ATRNL1: variants seen among roughly 807,000 people sequenced by gnomAD.
ATRNL1 encodes attractin-like protein 1.
ATRNL1 carries 95 observed loss-of-function variants against 182.7 expected under a neutral mutation model. The observed-to-expected ratio is 0.52, with a 90% CI of 0.44 to 0.62. The LOEUF (loss-of-function observed/expected upper bound fraction) is 0.62. Ranked by LOEUF, ATRNL1 falls within the 20% of genes least tolerant of loss-of-function variation. ATRNL1 has a pLI of 0.00. For synonymous variants in ATRNL1, 576 were observed against 568.3 expected, an observed-to-expected ratio of 1.01 and a Z score of -0.19; for missense variants, 1,471 against 1,679.5, an observed-to-expected ratio of 0.88 and a Z score of 2.17.
intron 21 of ATRNL1, among the ~76,000 whole-genome samples, chr10:115,449,547 G>T (rs1360475503): frequency 3.3e-5 from 5 of 152,186 alleles, no homozygotes; most frequent in African/African-American, 1.2e-4. Context: ...TTCCGTGGAT[G>T]GCAAAGCTAA....
At chr10:115,263,007 A>G (rs1222334866) in intron 10 of ATRNL1, among the ~76,000 whole-genome samples, 3 of 151,904 alleles carry the variant, frequency 2.0e-5, no homozygotes, top group Non-Finnish European at 2.9e-5. Context: ...CTAGAGAAAC[A>G]TTCAAAATAT....
At chr10:115,276,951 T>C (rs1296120325) in intron 13 of ATRNL1, among the ~76,000 whole-genome samples, 1 of 152,270 alleles carries the variant, frequency 6.6e-6, no homozygotes, top group South Asian at 2.1e-4. Flanking sequence ...GTTACCATTG[T>C]TATTCTAAAG....
intron 9 of ATRNL1, among the ~76,000 whole-genome samples, chr10:115,231,319 G>C (rs1245094840): frequency 6.6e-6 from 1 of 152,116 alleles, no homozygotes; most frequent in South Asian, 2.1e-4. Context: ...TGAGGATTGA[G>C]TAATGGTCAT....
rs185611539 is a variant in ATRNL1, at chr10:115,862,998, A to T, written c.4018+15007A>T. ...AGTAAGAAATAGGGACTATAAGGAAATCTACAAACGTCTACTCATTTTTGC... is the reference window on the plus strand; with the variant it reads ...AGTAAGAAATAGGGACTATAAGGAATTCTACAAACGTCTACTCATTTTTGC... On this transcript the variant is annotated intron_variant, in intron 28 of 28. Coordinates refer to ENST00000355044, the MANE Select transcript of ATRNL1 (RefSeq NM_207303.4). 3.3e-3 allele frequency among the ~76,000 whole-genome samples: 504 copies of T among 152,324 alleles called. 1 individual carries two copies. Among genetic ancestry groups the T allele is most frequent in the South Asian group, 0.016 (78 of 4,832 alleles).
At chr10:115,802,021 A>AACACACACACACACACACACACACAC (rs60513803) in intron 27 of ATRNL1, among the ~76,000 whole-genome samples, 2,215 of 125,872 alleles carry the variant, frequency 0.018, 46 homozygotes, top group African/African-American at 0.019. Context: ...AAAAAAAAGA[A>AACACACACACACACACACACACACAC]ACACACACAC....
rs114311390 is a variant in ATRNL1 at position 115,479,123 on chromosome 10, T to C, written c.3654+9794T>C. 6.6e-3 allele frequency among the ~76,000 whole-genome samples: 1,002 copies of C among 151,738 alleles called. 6 individuals are homozygous for C. Among genetic ancestry groups the C allele is most frequent in the African/African-American group, 0.022 (897 of 41,502 alleles). On this transcript the variant is annotated intron_variant, in intron 24 of 28. Coordinates refer to ENST00000355044, the MANE Select transcript of ATRNL1 (RefSeq NM_207303.4). ...CACTGGTTCTATTTTCCTTTATAATTATAAAGATGTTTGAGGAATAGATAT... is the reference window on the plus strand; with the variant it reads ...CACTGGTTCTATTTTCCTTTATAATCATAAAGATGTTTGAGGAATAGATAT...
At chr10:115,909,495 A>G (rs1371514102) in intron 28 of ATRNL1, 1 of 151,588 alleles carries the variant, frequency 6.6e-6, no homozygotes, top group Non-Finnish European at 1.5e-5. Context: ...TTCACCTTCC[A>G]TTGCTTCTAC....
At chr10:115,440,081 T>C (rs1213756098) in intron 21 of ATRNL1, among the ~76,000 whole-genome samples, 1 of 151,890 alleles carries the variant, frequency 6.6e-6, no homozygotes, top group Non-Finnish European at 1.5e-5. Flanking sequence ...TCGTTATTTA[T>C]TTTGTAGCTG....
intron 9 of ATRNL1, among the ~76,000 whole-genome samples, chr10:115,228,791 G>C (rs868912108): frequency 7.7e-6 from 1 of 130,030 alleles, no homozygotes; most frequent in South Asian, 2.5e-4. Context: ...TTGAGATGAA[G>C]TTTCGCTCTT....
At chr10:115,534,884 A>G (rs1348242450) in intron 25 of ATRNL1, among the ~76,000 whole-genome samples, 2 of 152,090 alleles carry the variant, frequency 1.3e-5, no homozygotes, top group East Asian at 3.9e-4. Flanking sequence ...TTGGCTGGAT[A>G]TGAAATTCTG....
chr10:115,732,935 A>G (rs1171466825), intron 27 of ATRNL1, among the ~76,000 whole-genome samples: 5 of 152,190 alleles, frequency 3.3e-5, no homozygotes, highest in Non-Finnish European at 7.3e-5. Context: ...CTGTCTTAGT[A>G]TATCAGAGAA....
chr10:115,643,216 C>T (rs1859373364), intron 26 of ATRNL1, among the ~76,000 whole-genome samples: 1 of 152,070 alleles, frequency 6.6e-6, no homozygotes, highest in African/African-American at 2.4e-5. Flanking sequence ...AAAGGTGTTT[C>T]AATGGAGAAT....
intron 9 of ATRNL1, among the ~76,000 whole-genome samples, chr10:115,239,612 C>A (rs1426480655): frequency 6.6e-6 from 1 of 152,080 alleles, no homozygotes; most frequent in East Asian, 1.9e-4. Context: ...GGTGGGTGGG[C>A]TTAGTGGCCT....
At chr10:115,618,723 C>T (rs1313878900) in intron 26 of ATRNL1, among the ~76,000 whole-genome samples, 1 of 151,892 alleles carries the variant, frequency 6.6e-6, no homozygotes, top group East Asian at 1.9e-4. Flanking sequence ...TTTAGATCAC[C>T]AGTTTTTCCC....
At chr10:115,436,920 T>G (rs1284843060) in intron 21 of ATRNL1, among the ~76,000 whole-genome samples, 1 of 152,096 alleles carries the variant, frequency 6.6e-6, no homozygotes, top group Non-Finnish European at 1.5e-5. Flanking sequence ...TTCATAGGTG[T>G]GATTTTCGTA....
chr10:115,516,985 C>T (rs1008518243), intron 24 of ATRNL1, among the ~76,000 whole-genome samples: 14 of 151,824 alleles, frequency 9.2e-5, no homozygotes, highest in African/African-American at 3.4e-4. Flanking sequence ...CTCCCTCCTG[C>T]TATTAGAACA....
chr10:115,382,771 G>A (rs1042295089), intron 19 of ATRNL1, among the ~76,000 whole-genome samples: 11 of 150,920 alleles, frequency 7.3e-5, no homozygotes, highest in Non-Finnish European at 1.6e-4. Flanking sequence ...GCAAGAGCAG[G>A]CATCCATGTC....
At chr10:115,583,978 C>A (rs1411106952) in intron 26 of ATRNL1, among the ~76,000 whole-genome samples, 4 of 152,156 alleles carry the variant, frequency 2.6e-5, no homozygotes, top group Admixed American at 2.6e-4. Context: ...TGAATTTTGT[C>A]AAAGGCCTTT....
chr10:115,260,187 T>G (rs927988178), intron 10 of ATRNL1, among the ~76,000 whole-genome samples: 3 of 152,232 alleles, frequency 2.0e-5, no homozygotes, highest in African/African-American at 7.2e-5. Flanking sequence ...GCAGGACTTG[T>G]GTACTTTAAA....
Sources: allele counts gnomAD v4.1 joint callset (sites outside exome capture counted in the v4.1 genomes callset), GRCh38; gene constraint gnomAD v4.1.1; transcripts MANE v1.5; gene names NCBI Gene and HGNC (gene_info 2026-07-23, HGNC 2026-07-21).